MTCL1: variants seen among roughly 807,000 people sequenced by gnomAD.
MTCL1 encodes microtubule cross-linking factor 1.
Under a neutral mutation model 141.4 loss-of-function variants are expected in MTCL1, and 79 were observed. The observed-to-expected ratio is 0.56, with a 90% CI of 0.47 to 0.67. MTCL1 has a LOEUF of 0.67. MTCL1 is among the 30% of genes least tolerant of loss of function. The probability of loss-of-function intolerance (pLI) is 0.00; values close to 1 mark genes in which losing one functional copy is unlikely to be tolerated. For synonymous variants in MTCL1, 914 were observed against 875.8 expected, an observed-to-expected ratio of 1.04 and a Z score of -0.77; for missense variants, 2,177 against 2,113.9, an observed-to-expected ratio of 1.03 and a Z score of -0.59.
At chr18:8,826,337 C>T (rs1308233106) in intron 15 of MTCL1, 105 bp downstream of exon 14, 21 of 1,128,210 alleles carry the variant, frequency 1.9e-5, no homozygotes, top group Middle Eastern at 5.4e-4. Context: ...TCTCAGGAAT[C>T]GTCCATGATT....
chr18:8,825,258 G>A (rs1182199341), exon 15 of MTCL1: 3 of 1,587,688 alleles, frequency 1.9e-6, no homozygotes, highest in Admixed American at 3.5e-5. Flanking sequence ...CCGGGACTAT[G>A]TGGAGGGGGC....
chr18:8,752,802 C>G (rs1417266419), intron 4 of MTCL1, among the ~76,000 whole-genome samples: 1 of 152,156 alleles, frequency 6.6e-6, no homozygotes, highest in Non-Finnish European at 1.5e-5. Flanking sequence ...TTTCTACAAA[C>G]AACATATCCC....
Position 8,829,872 on chromosome 18 carries a change from G to T in MTCL1, c.*18+908G>T, listed in dbSNP as rs1001860616. On this transcript the variant is annotated intron_variant, in intron 16 of 16. Coordinates refer to ENST00000359865, the Ensembl canonical transcript of MTCL1. ...CCGGTGTGTTACTAAGGAAAAGGTTGATTCCCTTGAATGCAGACTCACAGT... is the reference window on the plus strand; with the variant it reads ...CCGGTGTGTTACTAAGGAAAAGGTTTATTCCCTTGAATGCAGACTCACAGT... 80 of 985,116 alleles carry T rather than the reference G, an allele frequency of 8.1e-5. No homozygotes were observed. In the African/African-American group the frequency reaches 1.3e-3, roughly 16 times the overall value. The allele number at this position is 985,116 out of a possible 1,614,324, so 61.0% of individuals were successfully genotyped here. A position where few individuals can be genotyped will look rare whatever the true frequency, so the allele number is the denominator to read the frequency against.
chr18:8,786,518 T>G, intron 7 of MTCL1: 1 of 368,184 alleles, frequency 2.7e-6, no homozygotes, highest in Non-Finnish European at 5.4e-6. Context: ...CATGTGACCA[T>G]CCCACGGTCT....
At chr18:8,775,619 A>C (rs1000940601) in intron 4 of MTCL1, among the ~76,000 whole-genome samples, 1 of 152,200 alleles carries the variant, frequency 6.6e-6, no homozygotes, top group Non-Finnish European at 1.5e-5. Flanking sequence ...GCATGAAGGT[A>C]GAAATCTTGG....
intron 4 of MTCL1, among the ~76,000 whole-genome samples, chr18:8,761,091 A>G (rs1337966851): frequency 6.6e-6 from 1 of 152,256 alleles, no homozygotes; most frequent in Non-Finnish European, 1.5e-5. Context: ...CACAAAATTT[A>G]TAAACAGTCT....
chr18:8,801,283 G>A (rs4797332), intron 10 of MTCL1, among the ~76,000 whole-genome samples: 86,108 of 151,272 alleles, frequency 0.57, 26,923 homozygotes, highest in Non-Finnish European at 0.7. Context: ...GCCAGAGGAG[G>A]CCTCACATCA....
At chr18:8,777,340 C>A (rs945754978) in intron 4 of MTCL1, among the ~76,000 whole-genome samples, 2 of 152,228 alleles carry the variant, frequency 1.3e-5, no homozygotes, top group Non-Finnish European at 2.9e-5. Flanking sequence ...GTGATCCTCC[C>A]GCCTTGGTAT....
chr18:8,819,395 A>G (rs1339681226), intron 13 of MTCL1, 136 bp downstream of exon 12: 7 of 853,662 alleles, frequency 8.2e-6, no homozygotes, highest in Non-Finnish European at 1.2e-5. Context: ...AATTGAGTAA[A>G]AATGAAATCT....
chr18:8,737,969 A>C (rs2148895607), intron 4 of MTCL1, among the ~76,000 whole-genome samples: 1 of 152,178 alleles, frequency 6.6e-6, no homozygotes, highest in East Asian at 1.9e-4. Context: ...GTTGGTCTCG[A>C]AGAATCAACA....
intron 7 of MTCL1, among the ~76,000 whole-genome samples, chr18:8,792,526 TAA>T (rs1303657917): frequency 4.7e-5 from 3 of 63,904 alleles, no homozygotes; most frequent in Admixed American, 2.7e-4. Flanking sequence ...GGAAAAACTC[TAA>T]TAAGAAAGCA....
chr18:8,767,749 C>G (rs540381460), intron 4 of MTCL1, among the ~76,000 whole-genome samples: 2 of 148,982 alleles, frequency 1.3e-5, no homozygotes, highest in Non-Finnish European at 3.0e-5. Flanking sequence ...GAGAACCTTT[C>G]TGATTTGAAA....
chr18:8,830,933 AAC>A lies in MTCL1; in HGVS notation c.*19-670_*19-669del, dbSNP rs1169335672. The stretch of plus-strand genomic sequence containing the variant: ...GCTCGCAGAACATTAGGATGCCTGA[AAC>A]ACAAAACCACCAGTACATTCTGATT... On this transcript the variant is annotated intron_variant, in intron 16 of 16. Coordinates refer to ENST00000359865, the Ensembl canonical transcript of MTCL1. This position sits in a 1 kb window ranked among gnomAD's most constrained non-coding sequence, Gnocchi z 6.4. 10 of 985,458 alleles carry A rather than the reference AAC, an allele frequency of 1.0e-5. No individual in the cohort carries two copies. Among genetic ancestry groups the A allele is most frequent in the Admixed American group, 6.1e-5 (1 of 16,280 alleles). 61.0% of individuals were successfully genotyped at this position (985,458 alleles called of 1,614,324 possible).
At position 8,828,883 on chromosome 18, in the gene MTCL1, T is replaced by G; in HGVS notation, c.4723-25T>G. 6.2e-7 allele frequency: 1 copy of G among 1,614,196 alleles called. No homozygotes were observed. The highest frequency in any genetic ancestry group is 8.5e-7 in the Non-Finnish European group (1 of 1,180,028). On this transcript the variant is annotated intron_variant, in intron 15 of 16. Coordinates refer to ENST00000359865, the Ensembl canonical transcript of MTCL1. This position sits in a 1 kb window ranked among gnomAD's most constrained non-coding sequence, Gnocchi z 5.2. Reference sequence around the variant, plus strand: ...ACTTTCCAACCTTCTTGCTTTTCTTTTCTTTCTCTGTCTGTTCTGTCCAGA... The same window carrying G: ...ACTTTCCAACCTTCTTGCTTTTCTTGTCTTTCTCTGTCTGTTCTGTCCAGA...
In MTCL1 at chr18:8,806,886, C is replaced by G. The variant is rs554141162; in HGVS notation, c.2437-7C>G. 3 of 1,611,882 alleles carry G rather than the reference C, an allele frequency of 1.9e-6. No individual in the cohort carries two copies. The highest frequency in any genetic ancestry group is 3.3e-4 in the Middle Eastern group (2 of 6,060). ...AGGTGGTGGAGCCTGACTCAGTGTTCCCGCAGGTGGTGGAAAACCAGCAGC... is the reference window on the plus strand; with the variant it reads ...AGGTGGTGGAGCCTGACTCAGTGTTGCCGCAGGTGGTGGAAAACCAGCAGC... On this transcript the variant is annotated splice_region_variant and splice_polypyrimidine_tract_variant and intron_variant, in intron 10 of 16. Coordinates refer to ENST00000359865, the Ensembl canonical transcript of MTCL1.
At chr18:8,706,801 C>T (rs1162961273) in intron 1 of MTCL1, 88 bp downstream of exon 1, 1 of 1,511,954 alleles carries the variant, frequency 6.6e-7, no homozygotes, top group South Asian at 1.3e-5. Context: ...CTTCCCGGGC[C>T]TGTCCAGCGC....
chr18:8,726,495 GCGCGCGCGCGCGC>G lies in MTCL1; in HGVS notation c.357+6000_357+6012del, dbSNP rs1567944909. Among the ~76,000 whole-genome samples, 36 of 126,552 alleles carry G rather than the reference GCGCGCGCGCGCGC, an allele frequency of 2.8e-4. 1 individual carries two copies. Among genetic ancestry groups the G allele is most frequent in the South Asian group, 5.0e-4 (2 of 4,012 alleles). 83.0% of individuals were successfully genotyped at this position (126,552 alleles called of 152,430 possible). ...GAGGAGAGAGAGAGAGAGAGAGAGA[GCGCGCGCGCGCGC>G]AAGAGCGAGCGAGAGAGAGCGAGTG... On this transcript the variant is annotated intron_variant, in intron 4 of 16. Coordinates refer to ENST00000359865, the Ensembl canonical transcript of MTCL1.
upstream of MTCL1, among the ~76,000 whole-genome samples, chr18:8,714,422 C>T (rs936310389): frequency 9.2e-5 from 14 of 152,258 alleles, no homozygotes; most frequent in African/African-American, 3.1e-4. Context: ...CGTTATGGTG[C>T]ATTGGTCCAT....
chr18:8,726,494 A>AGAGC (rs1290919629), intron 4 of MTCL1, among the ~76,000 whole-genome samples: 36 of 128,346 alleles, frequency 2.8e-4, no homozygotes, highest in Non-Finnish European at 3.5e-4. Context: ...AGAGAGAGAG[A>AGAGC]GCGCGCGCGC....
Sources: allele counts gnomAD v4.1 joint callset (sites outside exome capture counted in the v4.1 genomes callset), GRCh38; gene constraint gnomAD v4.1.1; non-coding constraint Gnocchi (gnomAD v3.1); transcripts MANE v1.5; gene names NCBI Gene and HGNC (gene_info 2026-07-23, HGNC 2026-07-21).